Variants in TCERG1L observed in about 807,000 individuals in gnomAD.
TCERG1L encodes the protein transcription elongation regulator 1-like protein.
Under a neutral mutation model 56.3 loss-of-function variants are expected in TCERG1L, and 37 were observed. That is an observed-to-expected ratio of 0.66 (90% confidence interval 0.51 to 0.87). The LOEUF (loss-of-function observed/expected upper bound fraction) is 0.87. Ranked by LOEUF, TCERG1L falls within the 40% of genes least tolerant of loss-of-function variation. The pLI, the probability that TCERG1L is intolerant of heterozygous loss-of-function variation, is 0.00. For missense variants in TCERG1L, 799 were observed against 774.2 expected (o/e 1.03, Z -0.38); for synonymous variants, 324 against 326.3 (o/e 0.99, Z 0.08).
chr10:131,203,626 G>T (rs1182294646), intron 4 of TCERG1L, among the ~76,000 whole-genome samples: 1 of 152,234 alleles, frequency 6.6e-6, no homozygotes, highest in African/African-American at 2.4e-5. Flanking sequence ...ACGATTCAGG[G>T]ACACATCTGC....
At position 131,092,624 on chromosome 10, in the gene TCERG1L, A is replaced by G. The variant is rs1408986240; in HGVS notation, c.*538T>C. 6.6e-6 allele frequency: 1 copy of G among 152,650 alleles called. No individual in the cohort carries two copies. The highest frequency in any genetic ancestry group is 6.5e-5 in the Admixed American group (1 of 15,310). The allele number at this position is 152,650 out of a possible 1,614,324, so 9.5% of individuals were successfully genotyped here. ...GCGCGGCCACCCTTGGAAACCTGTA[A>G]GTGATCCACGGTCCAGGTGTGGAAT... On this transcript the variant is annotated 3_prime_UTR_variant, in exon 12 of 12. Coordinates refer to ENST00000368642, the MANE Select transcript of TCERG1L (RefSeq NM_174937.4).
chr10:131,265,118 CATA>C (rs1198351698), intron 3 of TCERG1L, among the ~76,000 whole-genome samples: 3 of 151,668 alleles, frequency 2.0e-5, no homozygotes, highest in African/African-American at 7.3e-5. Context: ...GATGGCCTTT[CATA>C]ATGAGTGAAA....
At chr10:131,156,607 G>A (rs12411282) in intron 6 of TCERG1L, among the ~76,000 whole-genome samples, 3,857 of 152,190 alleles carry the variant, frequency 0.025, 201 homozygotes, top group East Asian at 0.24. Context: ...ACAGCCCGGC[G>A]CCACACCCTG....
At chr10:131,160,140 G>A (rs1250549122) in intron 6 of TCERG1L, among the ~76,000 whole-genome samples, 4 of 152,154 alleles carry the variant, frequency 2.6e-5, no homozygotes, top group Admixed American at 6.5e-5. Flanking sequence ...TGCTCCCAGC[G>A]TGAAGCTTCT....
At chr10:131,269,758 T>A (rs948658203) in intron 3 of TCERG1L, among the ~76,000 whole-genome samples, 1 of 152,148 alleles carries the variant, frequency 6.6e-6, no homozygotes, top group Non-Finnish European at 1.5e-5. Flanking sequence ...AACAGAGACA[T>A]GAAGTGAGCA....
At chr10:131,284,125 CAAAAA>C (rs10534180) in intron 3 of TCERG1L, among the ~76,000 whole-genome samples, 3 of 116,394 alleles carry the variant, frequency 2.6e-5, no homozygotes, top group Non-Finnish European at 5.3e-5. Flanking sequence ...GACCACATCT[CAAAAA>C]AAAAAAAAAA....
At chr10:131,216,892 T>C (rs1168040688) in intron 4 of TCERG1L, among the ~76,000 whole-genome samples, 1 of 151,922 alleles carries the variant, frequency 6.6e-6, no homozygotes, top group Non-Finnish European at 1.5e-5. Flanking sequence ...GACCGCGGGG[T>C]GGTTCCCAAA....
intron 5 of TCERG1L, among the ~76,000 whole-genome samples, chr10:131,165,621 G>A (rs1246821375): frequency 6.6e-6 from 1 of 152,118 alleles, no homozygotes; most frequent in Non-Finnish European, 1.5e-5. Flanking sequence ...AACTAGGGGG[G>A]ACTTTCATTA....
chr10:131,147,838 C>A (rs1845816581), intron 6 of TCERG1L, among the ~76,000 whole-genome samples: 1 of 152,274 alleles, frequency 6.6e-6, no homozygotes, highest in African/African-American at 2.4e-5. Context: ...CTCCCGCCAG[C>A]CTCGCACAGG....
intron 4 of TCERG1L, among the ~76,000 whole-genome samples, chr10:131,209,711 G>T (rs1845595525): frequency 6.6e-6 from 1 of 152,142 alleles, no homozygotes; most frequent in South Asian, 2.1e-4. Flanking sequence ...CAGTATCATA[G>T]TAGGGCAATA....
chr10:131,255,569 T>G (rs1002415989), intron 4 of TCERG1L, among the ~76,000 whole-genome samples: 1 of 152,246 alleles, frequency 6.6e-6, no homozygotes, highest in African/African-American at 2.4e-5. Context: ...ATTGTATTAG[T>G]ATTCTCTATA....
At chr10:131,241,866 G>A (rs959766511) in intron 4 of TCERG1L, among the ~76,000 whole-genome samples, 4 of 151,336 alleles carry the variant, frequency 2.6e-5, no homozygotes, top group African/African-American at 7.3e-5. Context: ...GAGATAAAAC[G>A]GTCACAATTA....
chr10:131,100,584 C>G (rs1197725385), intron 10 of TCERG1L, among the ~76,000 whole-genome samples: 1 of 152,074 alleles, frequency 6.6e-6, no homozygotes, highest in African/African-American at 2.4e-5. Flanking sequence ...TATGTTCTAG[C>G]GCAAAAAAAC....
intron 4 of TCERG1L, among the ~76,000 whole-genome samples, chr10:131,206,404 G>GA (rs1845527795): frequency 6.6e-6 from 1 of 152,180 alleles, no homozygotes; most frequent in Non-Finnish European, 1.5e-5. Flanking sequence ...GACAGCCAAG[G>GA]AAGGGAAGAA....
At chr10:131,148,033 T>G (rs930767615) in intron 6 of TCERG1L, among the ~76,000 whole-genome samples, 1 of 152,248 alleles carries the variant, frequency 6.6e-6, no homozygotes, top group South Asian at 2.1e-4. Context: ...TGAGAAGGTG[T>G]GCCGGCTCCA....
intron 3 of TCERG1L, among the ~76,000 whole-genome samples, chr10:131,270,019 C>T (rs944440228): frequency 3.9e-5 from 6 of 152,148 alleles, no homozygotes; most frequent in South Asian, 2.1e-4. Context: ...TATCCAAATC[C>T]GTTTACTGAT....
At chr10:131,274,743 A>T (rs550557410) in intron 3 of TCERG1L, among the ~76,000 whole-genome samples, 116 of 152,190 alleles carry the variant, frequency 7.6e-4, no homozygotes, top group Non-Finnish European at 1.5e-3. Context: ...GACCCCTCAC[A>T]TTGCCCTTGT....
At chr10:131,143,147 G>A (rs1250445175) in intron 7 of TCERG1L, among the ~76,000 whole-genome samples, 7 of 152,146 alleles carry the variant, frequency 4.6e-5, no homozygotes, top group Non-Finnish European at 7.4e-5. Context: ...TTTTAGCCTC[G>A]TGGTGATAAT....
intron 4 of TCERG1L, among the ~76,000 whole-genome samples, chr10:131,181,294 G>A (rs555422324): frequency 5.9e-4 from 90 of 152,340 alleles, no homozygotes; most frequent in Admixed American, 1.3e-3. Context: ...ATGGAAATCA[G>A]GCTAGGATGA....
Sources: gnomAD v4.1 joint callset for allele counts (sites outside exome capture counted in the v4.1 genomes callset) on GRCh38, gnomAD v4.1.1 for gene constraint, MANE v1.5 for transcripts, NCBI Gene and HGNC (gene_info 2026-07-23, HGNC 2026-07-21) for gene names.